The following MAST4 variants were observed in gnomAD, a reference collection of about 807,000 sequenced individuals.
The protein encoded by MAST4 is microtubule-associated serine/threonine-protein kinase 4.
A neutral mutation model predicts 162.7 loss-of-function variants in MAST4; 89 were observed. The ratio of observed to expected loss-of-function variants is 0.55; its 90% CI spans 0.46 to 0.65. The LOEUF (loss-of-function observed/expected upper bound fraction) is 0.65, where lower values mean the gene tolerates loss of function less well. Among genes scored for constraint, MAST4 ranks in the 30% least tolerant of loss-of-function variants. The probability of loss-of-function intolerance (pLI) is 0.00; values close to 1 mark genes in which losing one functional copy is unlikely to be tolerated. For missense variants in MAST4, 3,153 were observed against 3,374.0 expected (o/e 0.93, Z 1.62); for synonymous variants, 1,479 against 1,361.1 (o/e 1.09, Z -1.91).
intron 15 of MAST4, among the ~76,000 whole-genome samples, chr5:67,130,773 A>G (rs1446157080): frequency 6.6e-6 from 1 of 152,178 alleles, no homozygotes; most frequent in Non-Finnish European, 1.5e-5. Flanking sequence ...TAGTCTTCTT[A>G]CAGAAAGAAA....
chr5:66,915,348 A>G (rs1039652466), intron 4 of MAST4, among the ~76,000 whole-genome samples: 7 of 151,902 alleles, frequency 4.6e-5, no homozygotes, highest in African/African-American at 1.7e-4. Flanking sequence ...CTGAGGAGAA[A>G]TATTTGTTCT....
rs763503178 is a variant in MAST4, at chr5:67,165,111, C to T, written c.5932C>T (p.Pro1978Ser). Residue 1978 changes from proline (P) to serine (S), a missense_variant, in exon 29 of 29, where the codon CCT (proline) becomes TCT (serine). Coordinates refer to ENST00000403625, the MANE Select transcript of MAST4 (RefSeq NM_001164664.2). Reference sequence around the variant, plus strand: ...CCTGAGGGAATCGTCTGAAAGAGGCCCTCCCACAGCCAGAAGCGAGCGCTC... The same window carrying T: ...CCTGAGGGAATCGTCTGAAAGAGGCTCTCCCACAGCCAGAAGCGAGCGCTC... ...PGLRESSERG[P>S]PTARSERSAA... 1.3e-6 allele frequency: 2 copies of T among 1,589,554 alleles called. No individual in the cohort carries two copies. Among genetic ancestry groups the T allele is most frequent in the Non-Finnish European group, 1.7e-6 (2 of 1,167,832 alleles).
chr5:66,827,839 C>A (rs1333314157), intron 3 of MAST4, among the ~76,000 whole-genome samples: 1 of 152,154 alleles, frequency 6.6e-6, no homozygotes, highest in Non-Finnish European at 1.5e-5. Context: ...AGAATAGACA[C>A]CAAGGAGGAA....
rs1189144953 is a variant in MAST4 at position 67,078,800 on chromosome 5, TTATTTA to T, written c.764-11350_764-11345del. ...TTTATTTATATTTATCTAAATATATTTATTTATATTTATATTTTTATATTTATATTT... is the reference window on the plus strand; with the variant it reads ...TTTATTTATATTTATCTAAATATATTTATTTATATTTTTATATTTATATTT... On this transcript the variant is annotated intron_variant, in intron 5 of 28. Coordinates refer to ENST00000403625, the MANE Select transcript of MAST4 (RefSeq NM_001164664.2). Among the ~76,000 whole-genome samples, 3 of 117,794 alleles carry T rather than the reference TTATTTA, an allele frequency of 2.5e-5. No individual in the cohort carries two copies. The East Asian group carries it at 6.1e-4, about 24-fold the overall frequency. The allele number at this position is 117,794 out of a possible 152,430, so 77.3% of individuals were successfully genotyped here.
intron 14 of MAST4, among the ~76,000 whole-genome samples, chr5:67,124,809 T>G (rs566033211): frequency 6.6e-6 from 1 of 152,218 alleles, no homozygotes; most frequent in Non-Finnish European, 1.5e-5. Context: ...ACTGAAAATC[T>G]GAGAATAAAG....
chr5:67,163,716 C>T lies in MAST4; in HGVS notation c.4537C>T (p.Pro1513Ser), dbSNP rs567204381. The change falls in exon 29 of 29, where the codon CCA (proline) becomes TCA (serine). Residue 1513 changes from proline (P) to serine (S), a missense_variant. By Grantham distance (74) the Pro-to-Ser change is moderately conservative. Around this residue, in one of 7 missense-constraint regions of MAST4, gnomAD observed 1,644 missense variants for 1,495.0 expected, o/e 1.10. Transcript: ENST00000403625. The surrounding 1 kb of genome is among the most constrained non-coding windows in gnomAD (Gnocchi z 7.0). ...AGTGGAGCAAGGCTGCCTGAAACGC[C>T]CAGTCTCCCGGAAGGTGGGCCGCCA... ...RPVEQGCLKR[P>S]VSRKVGRQES... 22 of 1,608,746 alleles carry T rather than the reference C, an allele frequency of 1.4e-5. No homozygotes were observed. In the South Asian group the frequency reaches 1.8e-4, roughly 13 times the overall value.
At chr5:66,911,888 A>G (rs1763801596) in intron 4 of MAST4, among the ~76,000 whole-genome samples, 2 of 152,160 alleles carry the variant, frequency 1.3e-5, no homozygotes, top group Admixed American at 1.3e-4. Flanking sequence ...GTGCAGAAAA[A>G]ATGATTTTTA....
chr5:67,112,838 G>A (rs1766409874), intron 11 of MAST4, among the ~76,000 whole-genome samples: 1 of 152,160 alleles, frequency 6.6e-6, no homozygotes, highest in Admixed American at 6.5e-5. Context: ...GCCCCTGTCT[G>A]AAGTGGAGAT....
intron 3 of MAST4, among the ~76,000 whole-genome samples, chr5:66,819,088 C>A (rs112235020): frequency 6.6e-6 from 1 of 152,278 alleles, no homozygotes; most frequent in East Asian, 1.9e-4. Flanking sequence ...GAGCACTTCT[C>A]TTTCAACTGT....
chr5:66,952,456 A>C (rs1580993270), intron 4 of MAST4, among the ~76,000 whole-genome samples: 1 of 152,146 alleles, frequency 6.6e-6, no homozygotes, highest in African/African-American at 2.4e-5. Context: ...AACTCCAGTT[A>C]TTAAAAGATG....
At chr5:66,685,659 T>C (rs918974010) in intron 1 of MAST4, among the ~76,000 whole-genome samples, 1 of 152,104 alleles carries the variant, frequency 6.6e-6, no homozygotes, top group Non-Finnish European at 1.5e-5. Flanking sequence ...GTCCTTTGAG[T>C]CGTCTCGGGG....
At chr5:66,694,531 G>A (rs538510178) in intron 1 of MAST4, among the ~76,000 whole-genome samples, 1 of 151,764 alleles carries the variant, frequency 6.6e-6, no homozygotes, top group African/African-American at 2.4e-5. Flanking sequence ...GTGTTGACCA[G>A]GCCAGAGTGC....
chr5:66,971,936 A>G (rs185389089), intron 4 of MAST4, among the ~76,000 whole-genome samples: 2 of 152,314 alleles, frequency 1.3e-5, no homozygotes, highest in East Asian at 3.9e-4. Flanking sequence ...CTTGGAGAGC[A>G]TAAGATGGTG....
At chr5:67,108,480 G>A (rs1765841888) in intron 10 of MAST4, among the ~76,000 whole-genome samples, 1 of 152,098 alleles carries the variant, frequency 6.6e-6, no homozygotes, top group Non-Finnish European at 1.5e-5. Context: ...CAAAAATTGG[G>A]AAGAAAATTT....
chr5:66,870,910 G>C, intron 3 of MAST4: 1 of 467,644 alleles, frequency 2.1e-6, no homozygotes, highest in Non-Finnish European at 4.4e-6. Flanking sequence ...GTCCCGCTGC[G>C]GTAAACAGGG....
In MAST4 at chr5:66,602,508, A is replaced by AT. The variant is rs577784590; in HGVS notation, c.363+5503dup. Among the ~76,000 whole-genome samples, 852 of 145,086 alleles carry AT rather than the reference A, an allele frequency of 5.9e-3. 20 individuals carry two copies. In the South Asian group the frequency reaches 0.067, roughly 11 times the overall value. On this transcript the variant is annotated intron_variant, in intron 1 of 28. Coordinates refer to ENST00000403625, the MANE Select transcript of MAST4 (RefSeq NM_001164664.2). ...GGATACAGTGCAGGAGTCCAGGCGG[A>AT]TTTTTTTTTTTTTCTAGTTTGGCTT...
At position 67,131,954 on chromosome 5, in the gene MAST4, A is replaced by G; in HGVS notation, c.2093+3A>G. On this transcript the variant is annotated splice_donor_region_variant and intron_variant, in intron 16 of 28. Transcript: ENST00000403625. ...CACAGGGATTTGAAACCAGACAAGT[A>G]TGTACACAAATGAAATATATGTCTT... is the stretch of plus-strand genomic sequence containing the variant. The G allele has an allele frequency of 1.9e-6, 3 of 1,610,596 alleles. No homozygotes were observed. Among genetic ancestry groups the G allele is most frequent in the Non-Finnish European group, 2.5e-6 (3 of 1,178,042 alleles).
chr5:66,994,691 C>G (rs1397372699), intron 4 of MAST4, among the ~76,000 whole-genome samples: 2 of 152,184 alleles, frequency 1.3e-5, no homozygotes, highest in East Asian at 3.8e-4. Flanking sequence ...TACTCTCAGT[C>G]TAACTATATA....
At chr5:67,155,304 G>A (rs1772350484) in intron 26 of MAST4, among the ~76,000 whole-genome samples, 1 of 152,166 alleles carries the variant, frequency 6.6e-6, no homozygotes, top group Non-Finnish European at 1.5e-5. Flanking sequence ...ATCCAGTTCA[G>A]CTCCCCACTG....
Sources: gnomAD v4.1 joint callset for allele counts (sites outside exome capture counted in the v4.1 genomes callset) on GRCh38, gnomAD v4.1.1 for gene constraint, gnomAD v4.1.1 regional missense constraint, Gnocchi (gnomAD v3.1) non-coding constraint, MANE v1.5 for transcripts, NCBI Gene and HGNC (gene_info 2026-07-23, HGNC 2026-07-21) for gene names.